The following GABRG3 variants were observed in gnomAD, a reference collection of about 807,000 sequenced individuals.
GABRG3 encodes gamma-aminobutyric acid type A receptor subunit gamma3, also known as gamma-aminobutyric acid receptor subunit gamma-3.
In GABRG3, 25 loss-of-function variants were observed where a neutral mutation model predicts 48.8. The ratio of observed to expected loss-of-function variants is 0.51; its 90% CI spans 0.37 to 0.72. The LOEUF (loss-of-function observed/expected upper bound fraction) is 0.72. Among genes scored for constraint, GABRG3 ranks in the 30% least tolerant of loss-of-function variants. The pLI is 0.00. For missense variants in GABRG3, 394 were observed against 577.9 expected, an observed-to-expected ratio of 0.68 and a Z score of 3.26; for synonymous variants, 227 against 217.6, an observed-to-expected ratio of 1.04 and a Z score of -0.38.
At chr15:27,121,879 T>C (rs1359626808) in intron 3 of GABRG3, among the ~76,000 whole-genome samples, 1 of 152,172 alleles carries the variant, frequency 6.6e-6, no homozygotes, top group Non-Finnish European at 1.5e-5. Context: ...AAACACCACA[T>C]GTTCTTACTT....
intron 3 of GABRG3, among the ~76,000 whole-genome samples, chr15:27,078,083 TG>T (rs1196694331): frequency 1.3e-5 from 2 of 152,206 alleles, no homozygotes; most frequent in African/African-American, 4.8e-5. Flanking sequence ...TCAGCTTCAC[TG>T]GGGGCCATGG....
At chr15:27,482,235 A>G (rs1890116747) in intron 6 of GABRG3, among the ~76,000 whole-genome samples, 1 of 152,214 alleles carries the variant, frequency 6.6e-6, no homozygotes, top group Admixed American at 6.5e-5. Flanking sequence ...AACCACATTC[A>G]ATCTTTTGTA....
At chr15:27,147,410 C>T (rs1898229031) in intron 3 of GABRG3, among the ~76,000 whole-genome samples, 1 of 151,948 alleles carries the variant, frequency 6.6e-6, no homozygotes. Context: ...AACAAGTAGA[C>T]AGAAGATTAA....
chr15:27,341,090 C>A, intron 5 of GABRG3: 1 of 381,920 alleles, frequency 2.6e-6, no homozygotes, highest in South Asian at 2.2e-5. Context: ...GTCAGCAACT[C>A]TTCCGAGTAT....
intron 5 of GABRG3, among the ~76,000 whole-genome samples, chr15:27,369,327 T>G (rs1895316640): frequency 6.6e-6 from 1 of 152,148 alleles, no homozygotes; most frequent in African/African-American, 2.4e-5. Flanking sequence ...GACCTTTCAA[T>G]TAAGGAGAAC....
At chr15:27,475,776 ATGG>A (rs756019790) in intron 5 of GABRG3, among the ~76,000 whole-genome samples, 15 of 151,246 alleles carry the variant, frequency 9.9e-5, no homozygotes, top group Non-Finnish European at 7.4e-5. Context: ...GGTGATAGTA[ATGG>A]TGGTGGTGGT....
intron 3 of GABRG3, among the ~76,000 whole-genome samples, chr15:27,151,730 A>G (rs1055093275): frequency 3.9e-5 from 6 of 152,144 alleles, no homozygotes; most frequent in Non-Finnish European, 8.8e-5. Context: ...ACCCAAATGG[A>G]AGAAGGAGAC....
intron 3 of GABRG3, among the ~76,000 whole-genome samples, chr15:27,261,286 A>G (rs7174591): frequency 0.56 from 85,153 of 151,772 alleles, 25,103 homozygotes; most frequent in Non-Finnish European, 0.65. Context: ...CATATTGGGA[A>G]GACTGGTTTG....
chr15:26,990,181 GT>G (rs1001752179), intron 2 of GABRG3, among the ~76,000 whole-genome samples: 1 of 152,092 alleles, frequency 6.6e-6, no homozygotes, highest in Non-Finnish European at 1.5e-5. Context: ...TTTGTTTATA[GT>G]TTTTTGAAAC....
At chr15:27,331,799 C>G (rs1388403545) in intron 5 of GABRG3, among the ~76,000 whole-genome samples, 2 of 152,226 alleles carry the variant, frequency 1.3e-5, no homozygotes, top group South Asian at 2.1e-4. Flanking sequence ...GAAAGGAGTA[C>G]TTGGGAATTC....
At chr15:27,161,308 C>T (rs1887179011) in intron 3 of GABRG3, 1 of 152,134 alleles carries the variant, frequency 6.6e-6, no homozygotes, top group South Asian at 2.1e-4. Context: ...AGACAAAGGA[C>T]ATTGTTACAC....
Position 27,328,851 on chromosome 15 carries a change from C to T in GABRG3, c.537C>T (p.Pro179=), listed in dbSNP as rs776292643. 4.3e-6 allele frequency: 7 copies of T among 1,614,066 alleles called. No individual in the cohort carries two copies. In the Admixed American group the frequency reaches 1.2e-4, roughly 27 times the overall value. Residue 179 remains proline (P), a synonymous_variant, in exon 5 of 10, where the codon CCC becomes CCT. Coordinates refer to ENST00000615808, the MANE Select transcript of GABRG3 (RefSeq NM_033223.5). ...AECQLQLHNF[P]MDEHSCPLIF... is the part of the protein sequence containing the mutation. ...GCCAGCTGCAGCTGCACAACTTCCC[C>T]ATGGACGAACACTCCTGCCCGCTGA...
chr15:27,290,463 C>G (rs186625849), intron 3 of GABRG3, among the ~76,000 whole-genome samples: 2 of 152,162 alleles, frequency 1.3e-5, no homozygotes, highest in East Asian at 1.9e-4. Flanking sequence ...ATGATCTTAT[C>G]CAGATGATCA....
In GABRG3 at chr15:27,393,573, T is replaced by C. The variant is rs143792059; in HGVS notation, c.574+64685T>C. ...ATTTAATCAGTTACATCATGGATCA[T>C]TCTAGCCTCCTCCCTTGTTTATCTG... On this transcript the variant is annotated intron_variant, in intron 5 of 9. Transcript: ENST00000615808. Among the ~76,000 whole-genome samples the C allele has an allele frequency of 2.1e-4, 32 of 152,320 alleles. No homozygotes were observed. The East Asian group carries it at 4.8e-3, about 23-fold the overall frequency.
At chr15:27,285,633 T>C (rs2140482592) in intron 3 of GABRG3, among the ~76,000 whole-genome samples, 1 of 152,334 alleles carries the variant, frequency 6.6e-6, no homozygotes, top group African/African-American at 2.4e-5. Context: ...ATGTCAAGTC[T>C]GTTAGCATAA....
chr15:27,226,570 G>A (rs1253850830), intron 3 of GABRG3, among the ~76,000 whole-genome samples: 1 of 151,750 alleles, frequency 6.6e-6, no homozygotes, highest in Non-Finnish European at 1.5e-5. Flanking sequence ...CCACCACTCA[G>A]TGGTGACTTG....
rs530053236 is a variant in GABRG3 at position 27,068,392 on chromosome 15, G to A, written c.270+41571G>A. Among the ~76,000 whole-genome samples, 12 of 152,346 alleles carry A rather than the reference G, an allele frequency of 7.9e-5. No individual in the cohort carries two copies. The East Asian group carries it at 1.4e-3, about 17-fold the overall frequency. On this transcript the variant is annotated intron_variant, in intron 3 of 9. Transcript: ENST00000615808. Reference sequence around the variant, plus strand: ...GAGCATTGCAGAAACTCTGTGCACTGTAGGAGCCTGGAGCTGGAAAGGCCC... The same window carrying A: ...GAGCATTGCAGAAACTCTGTGCACTATAGGAGCCTGGAGCTGGAAAGGCCC...
chr15:27,333,295 A>G (rs1440941424), intron 5 of GABRG3, among the ~76,000 whole-genome samples: 1 of 152,188 alleles, frequency 6.6e-6, no homozygotes, highest in Non-Finnish European at 1.5e-5. Flanking sequence ...GTAGATCACA[A>G]ATCTGAACTG....
Position 27,047,160 on chromosome 15 carries a change from C to T in GABRG3, c.270+20339C>T, listed in dbSNP as rs141830428. ...TCCAACATATAGGGTATCTTCAGGCCGCTGTGTTCTGAAGGAACATTCTGG... is the reference window on the plus strand; with the variant it reads ...TCCAACATATAGGGTATCTTCAGGCTGCTGTGTTCTGAAGGAACATTCTGG... On this transcript the variant is annotated intron_variant, in intron 3 of 9. Coordinates refer to ENST00000615808, the MANE Select transcript of GABRG3 (RefSeq NM_033223.5). 4.0e-3 allele frequency among the ~76,000 whole-genome samples: 605 copies of T among 152,254 alleles called. 4 individuals carry two copies. The highest frequency in any genetic ancestry group is 0.013 in the African/African-American group (543 of 41,524).
Sources: allele counts gnomAD v4.1 joint callset (sites outside exome capture counted in the v4.1 genomes callset), GRCh38; gene constraint gnomAD v4.1.1; transcripts MANE v1.5; gene names NCBI Gene and HGNC (gene_info 2026-07-23, HGNC 2026-07-21).